The following PHACTR3 variants were observed in gnomAD, a reference collection of about 807,000 sequenced individuals.
The protein encoded by PHACTR3 is phosphatase and actin regulator 3.
Under a neutral mutation model 66.8 loss-of-function variants are expected in PHACTR3, and 16 were observed. The ratio of observed to expected loss-of-function variants is 0.24; its 90% CI spans 0.16 to 0.36. The LOEUF (loss-of-function observed/expected upper bound fraction) is 0.36. PHACTR3 is among the 10% of genes least tolerant of loss of function. The pLI, the probability that PHACTR3 is intolerant of heterozygous loss-of-function variation, is 1.00. For missense variants in PHACTR3, 647 were observed against 719.9 expected (o/e 0.90, Z 1.16); for synonymous variants, 323 against 292.1 (o/e 1.11, Z -1.08).
At chr20:59,782,217 AGGT>A (rs2040748980) in intron 7 of PHACTR3, among the ~76,000 whole-genome samples, 1 of 152,112 alleles carries the variant, frequency 6.6e-6, no homozygotes. Context: ...AAGGAAAAAG[AGGT>A]GGTTGTTTTT....
chr20:59,663,577 C>T lies in PHACTR3; in HGVS notation c.118+58445C>T, dbSNP rs866090778. ...CTTGTGAAGCTGACATGTAGTCCAG[C>T]GACAGTGACTCAGGTTAGTAAGGGT... On this transcript the variant is annotated intron_variant, in intron 1 of 12. Transcript: ENST00000371015. Among the ~76,000 whole-genome samples, 37 of 152,310 alleles carry T rather than the reference C, an allele frequency of 2.4e-4. 1 individual carries two copies. The Middle Eastern group carries it at 0.01, about 42-fold the overall frequency.
intron 1 of PHACTR3, among the ~76,000 whole-genome samples, chr20:59,621,773 G>C (rs774537344): frequency 1.3e-5 from 2 of 152,216 alleles, no homozygotes; most frequent in Admixed American, 1.3e-4. Context: ...TGTGTGCCAA[G>C]CTGGAAAAGA....
chr20:59,810,490 A>G (rs763368205), intron 8 of PHACTR3, among the ~76,000 whole-genome samples: 2 of 152,210 alleles, frequency 1.3e-5, no homozygotes, highest in Non-Finnish European at 2.9e-5. Context: ...CAGTGGCTTA[A>G]TTGGTCTCCC....
chr20:59,587,432 G>A (rs889994553), intron 1 of PHACTR3, among the ~76,000 whole-genome samples: 8 of 152,252 alleles, frequency 5.3e-5, no homozygotes, highest in African/African-American at 1.9e-4. Context: ...CGTGGATGGA[G>A]TGTAATTCTG....
intron 8 of PHACTR3, among the ~76,000 whole-genome samples, chr20:59,832,190 T>G (rs2042404074): frequency 6.6e-6 from 1 of 152,184 alleles, no homozygotes. Context: ...CCAGCTGTAG[T>G]AGCTGCTGAT....
At chr20:59,834,453 C>T (rs1046077457) in intron 8 of PHACTR3, among the ~76,000 whole-genome samples, 47 of 152,150 alleles carry the variant, frequency 3.1e-4, no homozygotes. Context: ...AAGGGGAGAC[C>T]CCAGACAACT....
intron 1 of PHACTR3, among the ~76,000 whole-genome samples, chr20:59,658,490 G>A (rs1417245234): frequency 2.6e-5 from 4 of 152,032 alleles, no homozygotes; most frequent in Non-Finnish European, 5.9e-5. Flanking sequence ...TTTTGTGACA[G>A]GAATAGGCTA....
rs1479703413 is a variant in PHACTR3 at position 59,847,307 on chromosome 20, G to C, written c.*177G>C. ...CACTTACCTGCAAGAGGAGTAACCAGAGGACACACTTCCTTCCTTCTTTGG... is the reference window on the plus strand; with the variant it reads ...CACTTACCTGCAAGAGGAGTAACCACAGGACACACTTCCTTCCTTCTTTGG... On this transcript the variant is annotated 3_prime_UTR_variant, in exon 13 of 13. Coordinates refer to ENST00000371015, the MANE Select transcript of PHACTR3 (RefSeq NM_080672.5). The C allele has an allele frequency of 6.3e-6, 3 of 478,846 alleles. No homozygotes were observed. Among genetic ancestry groups the C allele is most frequent in the African/African-American group, 5.7e-5 (3 of 52,608 alleles). 29.7% of individuals were successfully genotyped at this position (478,846 alleles called of 1,614,324 possible).
intron 3 of PHACTR3, among the ~76,000 whole-genome samples, chr20:59,749,254 G>C (rs1347408728): frequency 6.6e-6 from 1 of 152,152 alleles, no homozygotes; most frequent in Non-Finnish European, 1.5e-5. Context: ...CTTAGGGAAG[G>C]AGAAAGGAAG....
At chr20:59,795,728 G>GA (rs945829412) in intron 7 of PHACTR3, among the ~76,000 whole-genome samples, 1 of 151,910 alleles carries the variant, frequency 6.6e-6, no homozygotes, top group Non-Finnish European at 1.5e-5. Context: ...ATTGTATAAT[G>GA]ACCTTTTACA....
chr20:59,748,915 G>C (rs1209585893), intron 3 of PHACTR3, among the ~76,000 whole-genome samples: 4 of 152,132 alleles, frequency 2.6e-5, no homozygotes, highest in Admixed American at 1.3e-4. Flanking sequence ...TATGCAGCCG[G>C]GCCTGTCAGC....
chr20:59,701,245 C>T (rs900866215), intron 1 of PHACTR3, among the ~76,000 whole-genome samples: 3 of 152,158 alleles, frequency 2.0e-5, no homozygotes. Flanking sequence ...GTGCCTGGCC[C>T]GTGTCTTCGT....
Position 59,784,956 on chromosome 20 carries a change from A to G in PHACTR3, c.1174+10466A>G, listed in dbSNP as rs891571034. On this transcript the variant is annotated intron_variant, in intron 7 of 12. Transcript: ENST00000371015. ...AGCTGAACTGATCTTTCTGGAGTGC[A>G]GACCTGATGCCGTCTGTCATGATTC... is the stretch of plus-strand genomic sequence containing the variant. Among the ~76,000 whole-genome samples, 13 of 148,564 alleles carry G rather than the reference A, an allele frequency of 8.8e-5. No individual in the cohort carries two copies. In the East Asian group the frequency reaches 2.5e-3, roughly 29 times the overall value.
chr20:59,786,358 A>G (rs1046809878), intron 7 of PHACTR3, among the ~76,000 whole-genome samples: 10 of 152,206 alleles, frequency 6.6e-5, no homozygotes, highest in Non-Finnish European at 8.8e-5. Flanking sequence ...TTACTTTGAG[A>G]ACCTGACAAC....
At chr20:59,684,242 G>A (rs887668433) in intron 1 of PHACTR3, among the ~76,000 whole-genome samples, 1 of 152,168 alleles carries the variant, frequency 6.6e-6, no homozygotes, top group Non-Finnish European at 1.5e-5. Flanking sequence ...CTTTGGGGCT[G>A]TTTCTTTTTC....
intron 3 of PHACTR3, among the ~76,000 whole-genome samples, chr20:59,750,883 G>C (rs1300132817): frequency 1.3e-5 from 2 of 152,206 alleles, no homozygotes; most frequent in Non-Finnish European, 2.9e-5. Context: ...TTGGCCACAG[G>C]CTCCCGGCTA....
chr20:59,661,228 T>C (rs1286234380), intron 1 of PHACTR3, among the ~76,000 whole-genome samples: 1 of 152,216 alleles, frequency 6.6e-6, no homozygotes, highest in Admixed American at 6.5e-5. Context: ...CACTTTTTCC[T>C]GCTGGACTGG....
intron 1 of PHACTR3, among the ~76,000 whole-genome samples, chr20:59,670,606 G>GGGGC (rs2036158156): frequency 1.4e-5 from 1 of 70,264 alleles, no homozygotes; most frequent in Non-Finnish European, 2.5e-5. Context: ...TGCCGGGGGT[G>GGGGC]GGGGGGGGGG....
rs8122771 is a variant in PHACTR3, at chr20:59,837,407, G to A, written c.1384+847G>A. 2.3e-3 allele frequency among the ~76,000 whole-genome samples: 353 copies of A among 152,186 alleles called. 1 individual carries two copies. Among genetic ancestry groups the A allele is most frequent in the African/African-American group, 7.5e-3 (313 of 41,504 alleles). On this transcript the variant is annotated intron_variant, in intron 9 of 12. Transcript: ENST00000371015. ...AGCTGACTTTCTGTCAGAAAATACC[G>A]CAGAGCCCCTTGTTGGTCTGGGTAC...
Sources: allele counts gnomAD v4.1 joint callset (sites outside exome capture counted in the v4.1 genomes callset), GRCh38; gene constraint gnomAD v4.1.1; transcripts MANE v1.5; gene names NCBI Gene and HGNC (gene_info 2026-07-23, HGNC 2026-07-21).